ZFP91: variants seen among roughly 807,000 people sequenced by gnomAD.
ZFP91 encodes E3 ubiquitin-protein ligase ZFP91.
ZFP91 carries 7 observed loss-of-function variants against 63.5 expected under a neutral mutation model. The observed-to-expected ratio is 0.11, with a 90% CI of 0.06 to 0.21. The LOEUF (loss-of-function observed/expected upper bound fraction) is 0.21. Ranked by LOEUF, ZFP91 falls within the 10% of genes least tolerant of loss-of-function variation. ZFP91 has a pLI of 1.00. For synonymous variants in ZFP91, 330 were observed against 272.1 expected (o/e 1.21, Z -2.10); for missense variants, 628 against 736.6 (o/e 0.85, Z 1.71).
intron 2 of ZFP91, among the ~76,000 whole-genome samples, chr11:58,585,333 T>C (rs1167590072): frequency 6.6e-6 from 1 of 152,168 alleles, no homozygotes; most frequent in Non-Finnish European, 1.5e-5. Context: ...GCACACCAGA[T>C]GTATGTATTA....
chr11:58,579,221 C>G lies in ZFP91; in HGVS notation c.-61C>G, dbSNP rs1290157134. 16 of 1,325,448 alleles carry G rather than the reference C, an allele frequency of 1.2e-5. No homozygotes were observed. The highest frequency in any genetic ancestry group is 8.1e-5 in the Admixed American group (2 of 24,722). 82.1% of individuals were successfully genotyped at this position (1,325,448 alleles called of 1,614,324 possible). A position where few individuals can be genotyped will look rare whatever the true frequency, so the allele number is the denominator to read the frequency against. ...GGCGAGGGGGCGGGGGGAGCAGCGC[C>G]GAGGCCGCCGCCTCCGCCTCCGCCG... On this transcript the variant is annotated 5_prime_UTR_variant, in exon 1 of 11. Transcript: ENST00000316059.
rs1407917818 is a variant in ZFP91 at position 58,618,635 on chromosome 11, A to G, written c.*929A>G. On this transcript the variant is annotated 3_prime_UTR_variant, in exon 11 of 11. Coordinates refer to ENST00000316059, the MANE Select transcript of ZFP91 (RefSeq NM_053023.5). ...TGTGGGGCTGGGAGAGAGAGATTAG[A>G]TTATTTTGACATGGGATCCCTTCCA... 2.2e-6 allele frequency: 1 copy of G among 455,432 alleles called. No individual in the cohort carries two copies. Among genetic ancestry groups the G allele is most frequent in the East Asian group, 7.0e-5 (1 of 14,328 alleles). The allele number at this position is 455,432 out of a possible 1,614,324, so 28.2% of individuals were successfully genotyped here.
At chr11:58,593,743 A>G (rs1018667873) in intron 2 of ZFP91, among the ~76,000 whole-genome samples, 1 of 152,200 alleles carries the variant, frequency 6.6e-6, no homozygotes, top group African/African-American at 2.4e-5. Context: ...GACTTGGTCA[A>G]AGCAGAACAC....
At chr11:58,600,826 A>C (rs1472772167) in intron 2 of ZFP91, among the ~76,000 whole-genome samples, 1 of 152,138 alleles carries the variant, frequency 6.6e-6, no homozygotes, top group African/African-American at 2.4e-5. Context: ...AGGAAGTTCA[A>C]TTCTATTCCC....
intron 2 of ZFP91, among the ~76,000 whole-genome samples, chr11:58,601,750 G>C (rs1473217151): frequency 6.6e-6 from 1 of 151,696 alleles, no homozygotes; most frequent in African/African-American, 2.4e-5. Flanking sequence ...TTTTCCTTGT[G>C]ATTTATTCTT....
chr11:58,603,958 T>C (rs960381407), intron 2 of ZFP91, among the ~76,000 whole-genome samples: 2 of 152,206 alleles, frequency 1.3e-5, no homozygotes, highest in Non-Finnish European at 2.9e-5. Flanking sequence ...GATGATGAGA[T>C]TTGATCCCTT....
chr11:58,615,326 G>A (rs1855731932), intron 9 of ZFP91, among the ~76,000 whole-genome samples: 1 of 152,122 alleles, frequency 6.6e-6, no homozygotes, highest in South Asian at 2.1e-4. Flanking sequence ...GATAGGTACT[G>A]CAATTTCTCT....
In ZFP91 at chr11:58,621,066, C is replaced by T. The variant is rs1855843060; in HGVS notation, c.*3360C>T. On this transcript the variant is annotated 3_prime_UTR_variant, in exon 11 of 11. Transcript: ENST00000316059. ...AAGCAACTTGTCTTCCTTGGTTGTA[C>T]TGAGTTACAGTTATCCTAGGGGTGA... 6.6e-6 allele frequency: 1 copy of T among 152,618 alleles called. No homozygotes were observed. The allele number at this position is 152,618 out of a possible 1,614,324, so 9.5% of individuals were successfully genotyped here. A position where few individuals can be genotyped will look rare whatever the true frequency, so the allele number is the denominator to read the frequency against.
rs188470156 is a variant in ZFP91, at chr11:58,600,048, A to T, written c.371-9782A>T. Among the ~76,000 whole-genome samples, 737 of 152,212 alleles carry T rather than the reference A, an allele frequency of 4.8e-3. 26 individuals carry two copies. The highest frequency in any genetic ancestry group is 1.0e-3 in the Non-Finnish European group (68 of 67,952). On this transcript the variant is annotated intron_variant, in intron 2 of 10. Coordinates refer to ENST00000316059, the MANE Select transcript of ZFP91 (RefSeq NM_053023.5). ...AATTCAGTTAGTTGATTCAATTATT[A>T]TTAGTTTTATGCCGGTAATACATTG... is the stretch of plus-strand genomic sequence containing the variant.
At position 58,579,237 on chromosome 11, in the gene ZFP91, G is replaced by C; in HGVS notation, c.-45G>C. The C allele has an allele frequency of 7.3e-7, 1 of 1,360,850 alleles. No homozygotes were observed. Among genetic ancestry groups the C allele is most frequent in the Non-Finnish European group, 9.4e-7 (1 of 1,063,068 alleles). The allele number at this position is 1,360,850 out of a possible 1,614,324, so 84.3% of individuals were successfully genotyped here. ...GAGCAGCGCCGAGGCCGCCGCCTCC[G>C]CCTCCGCCGCCTAGGACTAGGGGGT... On this transcript the variant is annotated 5_prime_UTR_variant, in exon 1 of 11. Transcript: ENST00000316059.
rs1382723266 is a variant in ZFP91 at position 58,617,102 on chromosome 11, G to GTATA, written c.1203-88_1203-85dup. 3.7e-6 allele frequency: 4 copies of GTATA among 1,068,282 alleles called. No homozygotes were observed. The highest frequency in any genetic ancestry group is 2.5e-5 in the Admixed American group (1 of 40,508). 66.2% of individuals were successfully genotyped at this position (1,068,282 alleles called of 1,614,324 possible). On this transcript the variant is annotated intron_variant, in intron 10 of 10. Transcript: ENST00000316059. This position sits in a 1 kb window ranked among gnomAD's most constrained non-coding sequence, Gnocchi z 4.2. ...TGTGTGTGTGTGTGTGTGTGTGTATGTATATATATGCTCTAAACTCTAACC... is the reference window on the plus strand; with the variant it reads ...TGTGTGTGTGTGTGTGTGTGTGTATGTATATATATATATGCTCTAAACTCTAACC...
intron 2 of ZFP91, among the ~76,000 whole-genome samples, chr11:58,596,799 A>AT (rs946784577): frequency 6.6e-6 from 1 of 151,526 alleles, no homozygotes; most frequent in African/African-American, 2.4e-5. Flanking sequence ...TCTGGACACA[A>AT]TTTTCTCCAG....
At chr11:58,584,086 A>T (rs1855163931) in intron 1 of ZFP91, among the ~76,000 whole-genome samples, 2 of 151,954 alleles carry the variant, frequency 1.3e-5, no homozygotes, top group African/African-American at 4.8e-5. Flanking sequence ...AAACCTGGGG[A>T]TATGTCTGAT....
chr11:58,599,801 A>G (rs564749329), intron 2 of ZFP91, among the ~76,000 whole-genome samples: 2 of 151,958 alleles, frequency 1.3e-5, no homozygotes, highest in South Asian at 2.1e-4. Context: ...CTTCACTTCT[A>G]TGCATTTTTT....
rs755791487 is a variant in ZFP91, at chr11:58,609,970, T to C, written c.511T>C (p.Ser171Pro). The change falls in exon 3 of 11, where the codon TCT becomes CCT. Residue 171 changes from serine (S) to proline (P), a missense_variant. This residue lies in a region of ZFP91 where 437 missense variants were observed against 380.3 expected (regional missense o/e 1.15). Transcript: ENST00000316059. Reference sequence around the variant, plus strand: ...TCGTGATACAGAGAACACCCGAAGCTCTCGGTCCAAGACCGGTTCATTGCA... The same window carrying C: ...TCGTGATACAGAGAACACCCGAAGCCCTCGGTCCAAGACCGGTTCATTGCA... ...RHRDTENTRS[S>P]RSKTGSLQLI... 1 of 1,614,192 alleles carries C rather than the reference T, an allele frequency of 6.2e-7. No individual in the cohort carries two copies.
chr11:58,610,969 G>A lies in ZFP91; in HGVS notation c.637G>A (p.Glu213Lys). Residue 213 changes from glutamate to lysine, a missense_variant, in exon 5 of 11, where the codon GAG becomes AAG. Coordinates refer to ENST00000316059, the MANE Select transcript of ZFP91 (RefSeq NM_053023.5). The part of the protein sequence containing the change: ...GGISSEEEEE[E>K]EEEMLISEEE... The stretch of plus-strand genomic sequence containing the variant: ...TTTTAGTAGTGAAGAGGAAGAGGAG[G>A]AGGAAGAAGAGATGTTAATCAGTGA... The A allele has an allele frequency of 6.2e-7, 1 of 1,612,402 alleles. No homozygotes were observed. The highest frequency in any genetic ancestry group is 8.5e-7 in the Non-Finnish European group (1 of 1,179,558).
At chr11:58,595,102 G>A (rs757517717) in intron 2 of ZFP91, among the ~76,000 whole-genome samples, 13 of 152,146 alleles carry the variant, frequency 8.5e-5, no homozygotes, top group South Asian at 2.1e-4. Context: ...AGATATACCC[G>A]TGTTCAGTTC....
At chr11:58,593,353 A>G (rs1855340796) in intron 2 of ZFP91, among the ~76,000 whole-genome samples, 1 of 152,168 alleles carries the variant, frequency 6.6e-6, no homozygotes, top group Admixed American at 6.5e-5. Flanking sequence ...GGCTACAATA[A>G]ATTTATACAC....
intron 2 of ZFP91, among the ~76,000 whole-genome samples, chr11:58,600,374 ATACTT>A (rs1565220825): frequency 6.6e-6 from 1 of 152,172 alleles, no homozygotes; most frequent in South Asian, 2.1e-4. Flanking sequence ...CATTGCTAAT[ATACTT>A]AAAACAATGA....
Sources: gnomAD v4.1 joint callset for allele counts (sites outside exome capture counted in the v4.1 genomes callset) on GRCh38, gnomAD v4.1.1 for gene constraint, gnomAD v4.1.1 regional missense constraint, Gnocchi (gnomAD v3.1) non-coding constraint, MANE v1.5 for transcripts, NCBI Gene and HGNC (gene_info 2026-07-23, HGNC 2026-07-21) for gene names.